Variants in KIFAP3 observed in about 807,000 individuals in gnomAD.
KIFAP3 encodes kinesin associated protein 3, also known as kinesin-associated protein 3.
Under a neutral mutation model 106.5 loss-of-function variants are expected in KIFAP3, and 68 were observed. The ratio of observed to expected loss-of-function variants is 0.64; its 90% CI spans 0.53 to 0.78. The LOEUF is 0.78. KIFAP3 is among the 30% of genes least tolerant of loss of function. KIFAP3 has a pLI of 0.00. For missense variants in KIFAP3, 780 were observed against 941.8 expected (o/e 0.83, Z 2.25); for synonymous variants, 320 against 311.5 (o/e 1.03, Z -0.29).
At chr1:170,074,401 A>AAGG (rs1428387758) in intron 1 of KIFAP3, 35 bp downstream of exon 1, 11 of 1,612,044 alleles carry the variant, frequency 6.8e-6, no homozygotes, top group Non-Finnish European at 8.5e-6. Context: ...GGGCCCTGGC[A>AAGG]AGGAGGGTAG....
intron 1 of KIFAP3, among the ~76,000 whole-genome samples, chr1:170,059,867 C>T (rs1399000890): frequency 6.6e-6 from 1 of 152,130 alleles, no homozygotes; most frequent in Non-Finnish European, 1.5e-5. Context: ...TCAATATATG[C>T]AAATCAATAA....
intron 3 of KIFAP3, among the ~76,000 whole-genome samples, chr1:170,046,184 C>G (rs1221881843): frequency 8.6e-6 from 1 of 116,836 alleles, no homozygotes; most frequent in African/African-American, 3.4e-5. Context: ...TTTGGTGACC[C>G]CCAGATTAAA....
intron 15 of KIFAP3, among the ~76,000 whole-genome samples, chr1:169,980,162 C>T (rs1204932711): frequency 1.3e-5 from 2 of 152,012 alleles, no homozygotes; most frequent in African/African-American, 4.8e-5. Context: ...ACTGGTAATG[C>T]TTTATTTTCT....
At position 169,989,101 on chromosome 1, in the gene KIFAP3, C is replaced by T. The variant is rs182802930; in HGVS notation, c.1284+3054G>A. Among the ~76,000 whole-genome samples, 78 of 151,988 alleles carry T rather than the reference C, an allele frequency of 5.1e-4. 1 individual carries two copies. The highest frequency in any genetic ancestry group is 8.5e-4 in the Admixed American group (13 of 15,244). ...AAACTGTCTGGTAAGAAAATATGCACGGATATTGCTCCTGAAAAGGTATGG... is the reference window on the plus strand; with the variant it reads ...AAACTGTCTGGTAAGAAAATATGCATGGATATTGCTCCTGAAAAGGTATGG... On this transcript the variant is annotated intron_variant, in intron 11 of 19. Coordinates refer to ENST00000361580, the MANE Select transcript of KIFAP3 (RefSeq NM_014970.4).
Position 169,973,105 on chromosome 1 carries a change from G to GTGTGTGTATATATATA in KIFAP3, c.1898-508_1898-507insTATATATATACACACA, listed in dbSNP as rs145406203. ...ATAAAAATAATTTAAAAAATAGTGT[G>GTGTGTGTATATATATA]TATATATATATATATATAAACAACA... is the stretch of plus-strand genomic sequence containing the variant. On this transcript the variant is annotated intron_variant, in intron 16 of 19. Coordinates refer to ENST00000361580, the MANE Select transcript of KIFAP3 (RefSeq NM_014970.4). Among the ~76,000 whole-genome samples the GTGTGTGTATATATATA allele has an allele frequency of 1.4e-4, 13 of 90,304 alleles. 1 individual carries two copies. The highest frequency in any genetic ancestry group is 5.9e-4 in the African/African-American group (13 of 21,852). The allele number at this position is 90,304 out of a possible 152,430, so 59.2% of individuals were successfully genotyped here. A position where few individuals can be genotyped will look rare whatever the true frequency, so the allele number is the denominator to read the frequency against.
intron 19 of KIFAP3, among the ~76,000 whole-genome samples, chr1:169,947,191 T>G (rs1489785295): frequency 6.6e-6 from 1 of 151,984 alleles, no homozygotes; most frequent in Non-Finnish European, 1.5e-5. Context: ...TGTCATTTAT[T>G]ACTTGGCTTG....
intron 18 of KIFAP3, among the ~76,000 whole-genome samples, chr1:169,957,780 T>C (rs1419898880): frequency 1.3e-5 from 2 of 151,930 alleles, no homozygotes; most frequent in East Asian, 3.9e-4. Flanking sequence ...GCGTGTGCTA[T>C]CACATCTGGC....
chr1:170,029,405 CA>C (rs752286638), intron 8 of KIFAP3, among the ~76,000 whole-genome samples: 1 of 151,778 alleles, frequency 6.6e-6, no homozygotes, highest in Non-Finnish European at 1.5e-5. Context: ...CTAAATAACC[CA>C]AGGGCCAAAA....
chr1:169,984,567 C>T lies in KIFAP3; in HGVS notation c.1393+15G>A. 7.1e-7 allele frequency: 1 copy of T among 1,408,382 alleles called. No individual in the cohort carries two copies. 87.2% of individuals were successfully genotyped at this position (1,408,382 alleles called of 1,614,324 possible). The stretch of plus-strand genomic sequence containing the variant: ...CCATATGCTAAAAAAGTTACCTACA[C>T]TCAAAGGCACTGACCTTCACAGATA... On this transcript the variant is annotated intron_variant, in intron 12 of 19. Transcript: ENST00000361580.
Position 169,954,097 on chromosome 1 carries a change from G to C in KIFAP3, c.2187C>G (p.Ala729=). Residue 729 remains alanine, a synonymous_variant, in exon 19 of 20, where the codon GCC becomes GCG. Transcript: ENST00000361580. The part of the protein sequence containing the change: ...DLFYNSDGLI[A]SEGAISPDFF... ...AATCGGGACTTATGGCTCCTTCAGA[G>C]GCAATTAATCCATCTAGAAAGAAAA... The C allele has an allele frequency of 6.2e-7, 1 of 1,608,752 alleles. No homozygotes were observed. Among genetic ancestry groups the C allele is most frequent in the Non-Finnish European group, 8.5e-7 (1 of 1,175,502 alleles).
At chr1:170,080,290 G>T (rs1001196692) in intron 1 of KIFAP3, among the ~76,000 whole-genome samples, 2 of 152,004 alleles carry the variant, frequency 1.3e-5, no homozygotes, top group African/African-American at 4.8e-5. Context: ...ATGGAAAAGT[G>T]TGTCATGTCT....
intron 8 of KIFAP3, among the ~76,000 whole-genome samples, chr1:170,030,441 C>A (rs1282094859): frequency 6.6e-6 from 1 of 151,818 alleles, no homozygotes; most frequent in Non-Finnish European, 1.5e-5. Flanking sequence ...GTTAAACATA[C>A]ACCTATCCTA....
At chr1:170,082,337 C>A (rs1217355249) in intron 1 of KIFAP3, among the ~76,000 whole-genome samples, 1 of 152,030 alleles carries the variant, frequency 6.6e-6, no homozygotes, top group Non-Finnish European at 1.5e-5. Flanking sequence ...TGGTTTGATT[C>A]CATTTATAAG....
Position 169,978,355 on chromosome 1 carries a change from CTT to C in KIFAP3, c.1799-174_1799-173del, listed in dbSNP as rs112025729. Among the ~76,000 whole-genome samples, 6 of 152,058 alleles carry C rather than the reference CTT, an allele frequency of 3.9e-5. 1 individual carries two copies. Among genetic ancestry groups the C allele is most frequent in the African/African-American group, 1.4e-4 (6 of 41,540 alleles). ...TGTAAAATAGTAACAGTTATCACCA[CTT>C]GTTTTATTCATCATAAGAATTCTTT... On this transcript the variant is annotated intron_variant, in intron 15 of 19. Transcript: ENST00000361580.
At chr1:170,048,416 A>C (rs912114600) in intron 2 of KIFAP3, among the ~76,000 whole-genome samples, 1 of 152,014 alleles carries the variant, frequency 6.6e-6, no homozygotes, top group Non-Finnish European at 1.5e-5. Flanking sequence ...AAAAACTCTA[A>C]AAAGACCTCT....
intron 19 of KIFAP3, among the ~76,000 whole-genome samples, chr1:169,944,092 G>A (rs979412471): frequency 1.3e-5 from 2 of 152,132 alleles, no homozygotes; most frequent in African/African-American, 4.8e-5. Context: ...CGCTGGGCTC[G>A]TTCTGCCCAC....
At chr1:169,929,452 C>T (rs1285743587) in intron 19 of KIFAP3, among the ~76,000 whole-genome samples, 1 of 151,822 alleles carries the variant, frequency 6.6e-6, no homozygotes, top group African/African-American at 2.4e-5. Flanking sequence ...TTCATTGAAC[C>T]AATATTAATG....
chr1:169,926,641 T>G (rs1663150540), intron 19 of KIFAP3, among the ~76,000 whole-genome samples: 1 of 150,324 alleles, frequency 6.7e-6, no homozygotes, highest in Non-Finnish European at 1.5e-5. Flanking sequence ...TAGTTACATG[T>G]AACATTAAGT....
intron 10 of KIFAP3, among the ~76,000 whole-genome samples, chr1:169,995,398 G>C (rs1667321582): frequency 6.6e-6 from 1 of 151,980 alleles, no homozygotes; most frequent in South Asian, 2.1e-4. Context: ...TATTCTGAAG[G>C]AAAGTTTCTC....
Sources: gnomAD v4.1 joint callset for allele counts (sites outside exome capture counted in the v4.1 genomes callset) on GRCh38, gnomAD v4.1.1 for gene constraint, MANE v1.5 for transcripts, NCBI Gene and HGNC (gene_info 2026-07-23, HGNC 2026-07-21) for gene names.